The following NRG3 variants were observed in gnomAD, a reference collection of about 807,000 sequenced individuals.
The protein encoded by NRG3 is pro-neuregulin-3, membrane-bound isoform.
NRG3 carries 31 observed loss-of-function variants against 66.9 expected under a neutral mutation model. The ratio of observed to expected loss-of-function variants is 0.46; its 90% confidence interval spans 0.35 to 0.63. The LOEUF is 0.63. NRG3 is among the 20% of genes least tolerant of loss of function. The probability of loss-of-function intolerance (pLI) is 0.00; values close to 1 mark genes in which losing one functional copy is unlikely to be tolerated. For missense variants in NRG3, 910 were observed against 878.9 expected (o/e 1.04, Z -0.45); for synonymous variants, 393 against 359.4 (o/e 1.09, Z -1.06).
chr10:82,177,803 A>G (rs583030), intron 1 of NRG3, among the ~76,000 whole-genome samples: 75,693 of 152,042 alleles, frequency 0.5, 20,716 homozygotes, highest in Middle Eastern at 0.66. Context: ...GGGATAAACT[A>G]AAAGAAAGAT....
intron 2 of NRG3, among the ~76,000 whole-genome samples, chr10:82,727,846 C>T (rs969112042): frequency 2.6e-5 from 4 of 152,190 alleles, no homozygotes; most frequent in African/African-American, 9.7e-5. Context: ...CTCTGCAAAA[C>T]CACAGAGATG....
chr10:82,301,131 C>T (rs1195999564), intron 1 of NRG3, among the ~76,000 whole-genome samples: 2 of 152,100 alleles, frequency 1.3e-5, no homozygotes, highest in Non-Finnish European at 2.9e-5. Flanking sequence ...TTAACAGTGG[C>T]GTGTGACATC....
intron 4 of NRG3, among the ~76,000 whole-genome samples, chr10:82,931,015 A>G (rs919488293): frequency 1.3e-5 from 2 of 152,172 alleles, no homozygotes; most frequent in Non-Finnish European, 2.9e-5. Flanking sequence ...CCTGGAGCAG[A>G]GTATAGGAGG....
chr10:82,985,697 G>C lies in NRG3; in HGVS notation c.*92G>C. Reference sequence around the variant, plus strand: ...ATTATTTATATGCATTAATTTAAGAGCATCTACTTAGAAGAAACCAAATAG... The same window carrying C: ...ATTATTTATATGCATTAATTTAAGACCATCTACTTAGAAGAAACCAAATAG... On this transcript the variant is annotated 3_prime_UTR_variant, in exon 9 of 9. Coordinates refer to ENST00000372141, the MANE Select transcript of NRG3 (RefSeq NM_001010848.4). 1.4e-6 allele frequency: 2 copies of C among 1,380,342 alleles called. No individual in the cohort carries two copies. The highest frequency in any genetic ancestry group is 2.8e-5 in the South Asian group (2 of 71,960). The allele number at this position is 1,380,342 out of a possible 1,614,324, so 85.5% of individuals were successfully genotyped here.
chr10:82,266,637 AC>A (rs771330750), intron 1 of NRG3, among the ~76,000 whole-genome samples: 5 of 152,254 alleles, frequency 3.3e-5, no homozygotes, highest in Non-Finnish European at 5.9e-5. Flanking sequence ...CTGTTTTGAC[AC>A]GGTCCAAGCT....
intron 1 of NRG3, among the ~76,000 whole-genome samples, chr10:82,305,793 G>A (rs529858874): frequency 6.6e-6 from 1 of 152,252 alleles, no homozygotes; most frequent in East Asian, 1.9e-4. Flanking sequence ...TCTAACTGCT[G>A]TAAATAGTGA....
intron 1 of NRG3, among the ~76,000 whole-genome samples, chr10:82,347,014 C>A (rs1682532758): frequency 6.6e-6 from 1 of 151,900 alleles, no homozygotes; most frequent in South Asian, 2.1e-4. Flanking sequence ...TTCAAAAAAA[C>A]CAGCTCCTGG....
intron 3 of NRG3, among the ~76,000 whole-genome samples, chr10:82,748,625 T>C (rs57386030): frequency 0.086 from 12,773 of 148,924 alleles, 1,684 homozygotes; most frequent in African/African-American, 0.28. Flanking sequence ...TAATTATTAT[T>C]TTAAATTTAA....
chr10:82,187,792 C>T (rs1177745852), intron 1 of NRG3, among the ~76,000 whole-genome samples: 1 of 152,100 alleles, frequency 6.6e-6, no homozygotes, highest in Non-Finnish European at 1.5e-5. Flanking sequence ...CTATGTTTTA[C>T]TTAGATGGCA....
At chr10:82,528,719 C>T (rs956318814) in intron 2 of NRG3, among the ~76,000 whole-genome samples, 2 of 151,960 alleles carry the variant, frequency 1.3e-5, no homozygotes, top group Non-Finnish European at 2.9e-5. Flanking sequence ...CATTTCTGAG[C>T]CAGGCAATTG....
chr10:82,958,801 T>G, intron 5 of NRG3, 148 bp from the exon 6 acceptor site: 1 of 872,172 alleles, frequency 1.1e-6, no homozygotes. Context: ...CTGGTGGGGT[T>G]GGAAATGAGA....
intron 2 of NRG3, among the ~76,000 whole-genome samples, chr10:82,557,721 C>T (rs535131066): frequency 1.3e-5 from 2 of 152,200 alleles, no homozygotes; most frequent in Middle Eastern, 3.4e-3. Flanking sequence ...AACAGTTAAC[C>T]CTGACATAGA....
At position 82,702,835 on chromosome 10, in the gene NRG3, G is replaced by A. The variant is rs539316257; in HGVS notation, c.954-35742G>A. ...AATAAGGGACAATATCTTTGTATCA[G>A]ATGTACATAAATGTGATAAACATGC... On this transcript the variant is annotated intron_variant, in intron 2 of 8. Transcript: ENST00000372141. Among the ~76,000 whole-genome samples the A allele has an allele frequency of 2.1e-4, 32 of 152,226 alleles. 1 individual carries two copies. The South Asian group carries it at 5.2e-3, about 25-fold the overall frequency.
chr10:82,842,497 G>C (rs963756379), intron 3 of NRG3, among the ~76,000 whole-genome samples: 1 of 152,092 alleles, frequency 6.6e-6, no homozygotes, highest in East Asian at 1.9e-4. Context: ...AAGGGCATCT[G>C]GTAAATATAG....
chr10:82,108,158 T>C (rs1316895447), intron 1 of NRG3, among the ~76,000 whole-genome samples: 1 of 152,208 alleles, frequency 6.6e-6, no homozygotes, highest in African/African-American at 2.4e-5. Context: ...AAGTTTATAA[T>C]CTCAATGCAC....
At chr10:82,875,944 C>G (rs564588854) in intron 4 of NRG3, among the ~76,000 whole-genome samples, 1 of 152,114 alleles carries the variant, frequency 6.6e-6, no homozygotes. Context: ...AGATAATTTT[C>G]GGGTGAGATT....
chr10:82,150,398 A>G (rs942098480), intron 1 of NRG3, among the ~76,000 whole-genome samples: 6 of 151,006 alleles, frequency 4.0e-5, no homozygotes, highest in Admixed American at 3.3e-4. Flanking sequence ...CTCATTGCTG[A>G]AGAGCATCCC....
intron 2 of NRG3, among the ~76,000 whole-genome samples, chr10:82,408,087 GAAAGAAAGAAAGAAAGAA>G (rs2087719976): frequency 1.6e-5 from 1 of 61,124 alleles, no homozygotes; most frequent in Non-Finnish European, 3.7e-5. Context: ...GAGAGAGACA[GAAAGAAAGAAAGAAAGAA>G]AGAAAGAAAG....
chr10:82,693,017 C>T (rs2184577), intron 2 of NRG3, among the ~76,000 whole-genome samples: 89,662 of 151,946 alleles, frequency 0.59, 28,180 homozygotes, highest in Non-Finnish European at 0.68. Flanking sequence ...CTGCGCTACT[C>T]GATGTCACTA....
Sources: allele counts gnomAD v4.1 joint callset (sites outside exome capture counted in the v4.1 genomes callset), GRCh38; gene constraint gnomAD v4.1.1; transcripts MANE v1.5; gene names NCBI Gene and HGNC (gene_info 2026-07-23, HGNC 2026-07-21).